Variants in CFAP52 observed in about 807,000 individuals in gnomAD.
The protein encoded by CFAP52 is cilia and flagella associated protein 52.
A neutral mutation model predicts 70.5 loss-of-function variants in CFAP52; 57 were observed. That is an observed-to-expected ratio of 0.81 (90% CI 0.65 to 1.01). The LOEUF (loss-of-function observed/expected upper bound fraction) is 1.01. CFAP52 is among the 50% of genes least tolerant of loss of function. The pLI, the probability that CFAP52 is intolerant of heterozygous loss-of-function variation, is 0.00. For synonymous variants in CFAP52, 267 were observed against 292.5 expected (o/e 0.91, Z 0.89); for missense variants, 785 against 788.5 (o/e 1.00, Z 0.05).
At chr17:9,589,311 T>A (rs1317127365) in intron 3 of CFAP52, among the ~76,000 whole-genome samples, 1 of 152,200 alleles carries the variant, frequency 6.6e-6, no homozygotes, top group African/African-American at 2.4e-5. Flanking sequence ...TTGTGTATAG[T>A]TATATAACGA....
rs796314327 is a variant in CFAP52, at chr17:9,596,059, GTATATATATATATATATATATATATA to G, written c.536+1756_536+1781del. Among the ~76,000 whole-genome samples, 4 of 85,212 alleles carry G rather than the reference GTATATATATATATATATATATATATA, an allele frequency of 4.7e-5. No individual in the cohort carries two copies. The East Asian group carries it at 1.4e-3, about 30-fold the overall frequency. 55.9% of individuals were successfully genotyped at this position (85,212 alleles called of 152,430 possible). ...TATGTATGTAGATATATATGTGTGT[GTATATATATATATATATATATATATA>G]TATATATATATATATATGTACACAT... On this transcript the variant is annotated intron_variant, in intron 4 of 13. Transcript: ENST00000352665.
rs765338836 is a variant in CFAP52 at position 9,638,628 on chromosome 17, A to G, written c.1492A>G (p.Met498Val). ...TTCCAGGCGTCTCAGGAGGAATCAG[A>G]TGATACTAGCCAACACCTTATTCCA... is the stretch of plus-strand genomic sequence containing the variant. Reference protein sequence around the residue: ...WDLVRLRRNQMILANTLFQCV... With the variant: ...WDLVRLRRNQVILANTLFQCV... Residue 498 changes from methionine to valine, a missense_variant, in exon 12 of 14, where the codon ATG becomes GTG. Coordinates refer to ENST00000352665, the MANE Select transcript of CFAP52 (RefSeq NM_145054.5). 1.2e-5 allele frequency: 19 copies of G among 1,614,044 alleles called. No individual in the cohort carries two copies. In the East Asian group the frequency reaches 2.5e-4, roughly 21 times the overall value.
chr17:9,599,942 T>C (rs914203048), intron 5 of CFAP52, 125 bp from the exon 6 acceptor site: 1 of 696,022 alleles, frequency 1.4e-6, no homozygotes, highest in Non-Finnish European at 2.6e-6. Flanking sequence ...GGTTTCTCCA[T>C]GTTGGTCAGT....
At chr17:9,612,575 TA>T (rs1909758106) in intron 8 of CFAP52, 96 bp downstream of exon 8, 1 of 1,374,612 alleles carries the variant, frequency 7.3e-7, no homozygotes, top group South Asian at 1.6e-5. Context: ...TGAACATAGT[TA>T]TGATTTTTCT....
In CFAP52 at chr17:9,631,034, GA is replaced by G. The variant is rs1567634865; in HGVS notation, c.1175-1853del. Among the ~76,000 whole-genome samples the G allele has an allele frequency of 1.3e-3, 88 of 69,208 alleles. 5 individuals carry two copies. The highest frequency in any genetic ancestry group is 5.9e-3 in the African/African-American group (85 of 14,290). 45.4% of individuals were successfully genotyped at this position (69,208 alleles called of 152,430 possible). The stretch of plus-strand genomic sequence containing the variant: ...AGAAAGAAAGAAAGAAAGAAAGAGA[GA>G]GAGAGAGAGAGAGAGAGAGAAAGAA... On this transcript the variant is annotated intron_variant, in intron 9 of 13. Coordinates refer to ENST00000352665, the MANE Select transcript of CFAP52 (RefSeq NM_145054.5).
rs112610193 is a variant in CFAP52, at chr17:9,623,188, C to T, written c.1026-5484C>T. On this transcript the variant is annotated intron_variant, in intron 8 of 13. Coordinates refer to ENST00000352665, the MANE Select transcript of CFAP52 (RefSeq NM_145054.5). ...TATTGACATTTTTATTAAAGTGTTC[C>T]TCTTTGTCTCTAGTAATTCTCTTTG... Among the ~76,000 whole-genome samples the T allele has an allele frequency of 3.3e-3, 508 of 151,890 alleles. 4 individuals are homozygous for T. The highest frequency in any genetic ancestry group is 0.012 in the African/African-American group (486 of 41,466).
intron 10 of CFAP52, 31 bp downstream of exon 10, chr17:9,633,064 G>T (rs576949574): frequency 3.7e-5 from 60 of 1,607,822 alleles, no homozygotes; most frequent in Admixed American, 5.0e-5. Flanking sequence ...AAAAAATAAC[G>T]CTCTGTTTAG....
intron 3 of CFAP52, 79 bp from the exon 4 acceptor site, chr17:9,594,114 C>T: frequency 2.0e-6 from 3 of 1,493,394 alleles, no homozygotes; most frequent in Non-Finnish European, 2.7e-6. Context: ...CTTTCTAGAA[C>T]CACTAAGATG....
At chr17:9,633,522 G>T (rs891101309) in intron 10 of CFAP52, among the ~76,000 whole-genome samples, 10 of 151,956 alleles carry the variant, frequency 6.6e-5, no homozygotes, top group African/African-American at 2.4e-4. Flanking sequence ...ATATATCTAA[G>T]TACATTTGTA....
intron 6 of CFAP52, among the ~76,000 whole-genome samples, chr17:9,602,142 A>C (rs1164378190): frequency 1.3e-5 from 2 of 152,090 alleles, no homozygotes; most frequent in African/African-American, 4.8e-5. Flanking sequence ...TTTTATTATT[A>C]TACTTCATAC....
At chr17:9,599,987 C>G (rs545082677) in intron 5 of CFAP52, 80 bp from the exon 6 acceptor site, 3 of 1,168,958 alleles carry the variant, frequency 2.6e-6, no homozygotes, top group African/African-American at 3.0e-5. Context: ...GTGATCCACC[C>G]GCCTCGGCCT....
At chr17:9,643,533 TC>T (rs1360386723), downstream of CFAP52, 1 of 172,962 alleles carries the variant, frequency 5.8e-6, no homozygotes, top group Admixed American at 6.3e-5. Flanking sequence ...GCTATTATCC[TC>T]TAAAAATAAG....
At chr17:9,583,858 A>G (rs1908329533) in intron 1 of CFAP52, among the ~76,000 whole-genome samples, 1 of 152,226 alleles carries the variant, frequency 6.6e-6, no homozygotes, top group Admixed American at 6.5e-5. Flanking sequence ...ACCAAAATCA[A>G]GTTTGGGCCA....
chr17:9,589,474 T>C (rs1237376434), intron 3 of CFAP52, among the ~76,000 whole-genome samples: 1 of 152,174 alleles, frequency 6.6e-6, no homozygotes, highest in Non-Finnish European at 1.5e-5. Context: ...AGCTCACGCC[T>C]GAAATCCCAG....
chr17:9,627,944 G>A (rs1485288210), intron 8 of CFAP52, among the ~76,000 whole-genome samples: 1 of 152,106 alleles, frequency 6.6e-6, no homozygotes, highest in Non-Finnish European at 1.5e-5. Context: ...GCCCAGGCTG[G>A]TCTTGAACTC....
chr17:9,600,603 C>T (rs1437455865), intron 6 of CFAP52, among the ~76,000 whole-genome samples: 2 of 152,022 alleles, frequency 1.3e-5, no homozygotes, highest in Admixed American at 6.6e-5. Flanking sequence ...CTCGCTCTGT[C>T]GCCCAGGCTG....
intron 13 of CFAP52, among the ~76,000 whole-genome samples, chr17:9,642,743 G>A (rs149504656): frequency 5.6e-4 from 86 of 152,314 alleles, no homozygotes; most frequent in African/African-American, 2.0e-3. Flanking sequence ...TGATGTATAT[G>A]TATACCAGTA....
intron 8 of CFAP52, among the ~76,000 whole-genome samples, chr17:9,622,112 C>A (rs34654539): frequency 0.071 from 10,754 of 152,194 alleles, 396 homozygotes; most frequent in Middle Eastern, 0.11. Flanking sequence ...TTATTTTCAC[C>A]TTTCCTCCAC....
intron 6 of CFAP52, among the ~76,000 whole-genome samples, chr17:9,603,456 G>A (rs1274066334): frequency 6.6e-6 from 1 of 152,132 alleles, no homozygotes; most frequent in African/African-American, 2.4e-5. Context: ...TGATCCACCC[G>A]CCTCGGCCTC....
Sources: gnomAD v4.1 joint callset for allele counts (sites outside exome capture counted in the v4.1 genomes callset) on GRCh38, gnomAD v4.1.1 for gene constraint, MANE v1.5 for transcripts, NCBI Gene and HGNC (gene_info 2026-07-23, HGNC 2026-07-21) for gene names.